Variants in CDK13 observed in about 807,000 individuals in gnomAD.
The protein encoded by CDK13 is cyclin dependent kinase 13.
A neutral mutation model predicts 137.6 loss-of-function variants in CDK13; 40 were observed. That is an observed-to-expected ratio of 0.29 (90% CI 0.23 to 0.38). The LOEUF is 0.38. Among genes scored for constraint, CDK13 ranks in the 10% least tolerant of loss-of-function variants. The pLI is 1.00. For synonymous variants in CDK13, 869 were observed against 760.1 expected, an observed-to-expected ratio of 1.14 and a Z score of -2.36; for missense variants, 1,704 against 1,951.8, an observed-to-expected ratio of 0.87 and a Z score of 2.39.
In CDK13 at chr7:40,034,435, C is replaced by T. The variant is rs945821594; in HGVS notation, c.2354-11401C>T. ...ACTCCTTAAATTCCAGACCAGAAAC[C>T]GGTCATCTGCAGGGCTAATTTTTTT... On this transcript the variant is annotated intron_variant, in intron 5 of 13. Coordinates refer to ENST00000181839, the MANE Select transcript of CDK13 (RefSeq NM_003718.5). 9.2e-5 allele frequency among the ~76,000 whole-genome samples: 14 copies of T among 152,100 alleles called. No homozygotes were observed. The South Asian group carries it at 2.1e-3, about 23-fold the overall frequency.
chr7:40,080,052 A>C (rs1292676441), intron 11 of CDK13, among the ~76,000 whole-genome samples: 1 of 152,198 alleles, frequency 6.6e-6, no homozygotes, highest in Non-Finnish European at 1.5e-5. Flanking sequence ...CAGTGGCACG[A>C]TCTCAGCTCA....
chr7:40,007,417 T>C (rs982443830), intron 5 of CDK13, among the ~76,000 whole-genome samples: 3 of 152,250 alleles, frequency 2.0e-5, no homozygotes, highest in Admixed American at 2.0e-4. Context: ...ATATAACTTG[T>C]ATTTTTGCTT....
At chr7:39,959,102 C>T (rs1206509678) in intron 1 of CDK13, among the ~76,000 whole-genome samples, 3 of 151,214 alleles carry the variant, frequency 2.0e-5, no homozygotes, top group Non-Finnish European at 2.9e-5. Flanking sequence ...GCACCATTAT[C>T]GTTTCATTCA....
At chr7:39,983,786 G>C (rs1471283820) in intron 1 of CDK13, among the ~76,000 whole-genome samples, 2 of 152,118 alleles carry the variant, frequency 1.3e-5, no homozygotes, top group Non-Finnish European at 2.9e-5. Flanking sequence ...TTAAAAATGT[G>C]GCTGAGTATT....
chr7:39,992,127 A>C (rs1311302048), intron 2 of CDK13, among the ~76,000 whole-genome samples: 1 of 149,378 alleles, frequency 6.7e-6, no homozygotes, highest in Non-Finnish European at 1.5e-5. Context: ...ACAAGCACAC[A>C]CGCTCCATCT....
At chr7:40,017,439 A>G (rs1283674740) in intron 5 of CDK13, among the ~76,000 whole-genome samples, 3 of 152,154 alleles carry the variant, frequency 2.0e-5, no homozygotes, top group Non-Finnish European at 4.4e-5. Context: ...GGGAATAGGT[A>G]CTTTACTGAA....
At chr7:39,971,159 C>G (rs190649217) in intron 1 of CDK13, among the ~76,000 whole-genome samples, 1 of 152,182 alleles carries the variant, frequency 6.6e-6, no homozygotes, top group Non-Finnish European at 1.5e-5. Flanking sequence ...TCTTAAGCAC[C>G]TAGTACAGCA....
At chr7:40,047,927 AAGC>A in intron 7 of CDK13, 50 bp downstream of exon 7, 1 of 1,110,754 alleles carries the variant, frequency 9.0e-7, no homozygotes, top group Admixed American at 1.7e-5. Flanking sequence ...TTAGTATTAG[AAGC>A]TATACTAAGA....
intron 9 of CDK13, 49 bp downstream of exon 9, chr7:40,063,149 C>T (rs1786192682): frequency 7.3e-7 from 1 of 1,376,542 alleles, no homozygotes; most frequent in South Asian, 1.2e-5. Context: ...GTGTCATACT[C>T]CACAGGAAAT....
chr7:39,998,240 A>G (rs1164687926), intron 3 of CDK13: 1 of 133,842 alleles, frequency 7.5e-6, no homozygotes, highest in Admixed American at 7.6e-5. Context: ...ACCAAGGGAC[A>G]GTGAAGACTT....
intron 1 of CDK13, among the ~76,000 whole-genome samples, chr7:39,953,143 G>C (rs1787290831): frequency 6.6e-6 from 1 of 152,156 alleles, no homozygotes; most frequent in African/African-American, 2.4e-5. Context: ...AAATGTAAAG[G>C]TGTGATGTTT....
chr7:40,087,382 A>G (rs1161714065), intron 11 of CDK13, among the ~76,000 whole-genome samples: 1 of 151,870 alleles, frequency 6.6e-6, no homozygotes, highest in Non-Finnish European at 1.5e-5. Flanking sequence ...GGCTCAAGCA[A>G]TCCTCCCGTC....
At chr7:40,043,201 T>C (rs992520780) in intron 5 of CDK13, among the ~76,000 whole-genome samples, 1 of 152,258 alleles carries the variant, frequency 6.6e-6, no homozygotes, top group Non-Finnish European at 1.5e-5. Context: ...GTCCACCTCC[T>C]TGTGGGATTA....
chr7:39,975,792 T>C (rs1248252174), intron 1 of CDK13, among the ~76,000 whole-genome samples: 1 of 152,170 alleles, frequency 6.6e-6, no homozygotes, highest in Non-Finnish European at 1.5e-5. Context: ...ATAATAAAGA[T>C]GGAAGGCGGT....
intron 2 of CDK13, among the ~76,000 whole-genome samples, chr7:39,988,649 C>T (rs1030283686): frequency 6.6e-6 from 1 of 152,088 alleles, no homozygotes; most frequent in African/African-American, 2.4e-5. Context: ...TTCTAAGTTT[C>T]TTCAGTGGCC....
chr7:39,979,231 T>C (rs1456582612), intron 1 of CDK13, among the ~76,000 whole-genome samples: 2 of 150,710 alleles, frequency 1.3e-5, no homozygotes, highest in African/African-American at 4.9e-5. Flanking sequence ...TTTTTTTTTT[T>C]TGAGACAGAG....
At chr7:39,994,074 G>A (rs927415102) in intron 2 of CDK13, among the ~76,000 whole-genome samples, 1 of 152,078 alleles carries the variant, frequency 6.6e-6, no homozygotes, top group African/African-American at 2.4e-5. Flanking sequence ...TTTCCTTAAA[G>A]TTGTTTCCCT....
intron 1 of CDK13, among the ~76,000 whole-genome samples, chr7:39,971,854 A>C (rs919634801): frequency 2.6e-5 from 4 of 152,238 alleles, no homozygotes; most frequent in African/African-American, 9.6e-5. Context: ...CTGCCTGGGC[A>C]ACAGAGCAAG....
At position 40,098,655 on chromosome 7, in the gene CDK13, G is replaced by A. The variant is rs907372299; in HGVS notation, c.*3675G>A. The A allele has an allele frequency of 6.6e-6, 1 of 151,728 alleles. No individual in the cohort carries two copies. Among genetic ancestry groups the A allele is most frequent in the Non-Finnish European group, 1.5e-5 (1 of 67,902 alleles). The allele number at this position is 151,728 out of a possible 1,614,324, so 9.4% of individuals were successfully genotyped here. Reference sequence around the variant, plus strand: ...TAAGAAAAATAAGGCTTAGAAAGAGGGATTGCCAGAAACTTTGGCAGCTGG... The same window carrying A: ...TAAGAAAAATAAGGCTTAGAAAGAGAGATTGCCAGAAACTTTGGCAGCTGG... On this transcript the variant is annotated 3_prime_UTR_variant, in exon 14 of 14. Coordinates refer to ENST00000181839, the MANE Select transcript of CDK13 (RefSeq NM_003718.5).
Sources: allele counts gnomAD v4.1 joint callset (sites outside exome capture counted in the v4.1 genomes callset), GRCh38; gene constraint gnomAD v4.1.1; transcripts MANE v1.5; gene names NCBI Gene and HGNC (gene_info 2026-07-23, HGNC 2026-07-21).